CSMD2: variants seen among roughly 807,000 people sequenced by gnomAD.
CSMD2 encodes CUB and Sushi multiple domains 2, also known as CUB and sushi domain-containing protein 2.
Under a neutral mutation model 398.5 loss-of-function variants are expected in CSMD2, and 130 were observed. The observed-to-expected ratio is 0.33, with a 90% CI of 0.28 to 0.38. The LOEUF is 0.38. Ranked by LOEUF, CSMD2 falls within the 10% of genes least tolerant of loss-of-function variation. The pLI, the probability that CSMD2 is intolerant of heterozygous loss-of-function variation, is 1.00. For missense variants in CSMD2, 3,829 were observed against 4,764.9 expected, an observed-to-expected ratio of 0.80 and a Z score of 5.78; for synonymous variants, 1,828 against 1,908.5, an observed-to-expected ratio of 0.96 and a Z score of 1.10.
chr1:33,699,583 C>T (rs984009885), intron 23 of CSMD2, among the ~76,000 whole-genome samples: 4 of 152,222 alleles, frequency 2.6e-5, no homozygotes, highest in African/African-American at 4.8e-5. Flanking sequence ...TCCACTGAAC[C>T]TCTTGCTGTA....
At chr1:33,921,340 CAG>C (rs1643930503) in intron 4 of CSMD2, among the ~76,000 whole-genome samples, 1 of 152,124 alleles carries the variant, frequency 6.6e-6, no homozygotes, top group Admixed American at 6.5e-5. Context: ...ACATCTGAGG[CAG>C]AGTTTGTCGC....
chr1:33,884,174 C>T (rs770069614), intron 5 of CSMD2, among the ~76,000 whole-genome samples: 23 of 151,952 alleles, frequency 1.5e-4, no homozygotes, highest in Non-Finnish European at 3.1e-4. Flanking sequence ...TCTGCTTGTC[C>T]TCTTGTCCTC....
intron 24 of CSMD2, among the ~76,000 whole-genome samples, chr1:33,693,323 A>G (rs1018481737): frequency 2.6e-5 from 4 of 152,230 alleles, no homozygotes; most frequent in Admixed American, 1.3e-4. Flanking sequence ...GAGGATATAT[A>G]AATAGCCAAT....
At chr1:33,915,584 A>G (rs184454263) in intron 5 of CSMD2, among the ~76,000 whole-genome samples, 1 of 152,350 alleles carries the variant, frequency 6.6e-6, no homozygotes, top group African/African-American at 2.4e-5. Flanking sequence ...TTTCACTCCA[A>G]AAGTTTGGAC....
At position 34,052,432 on chromosome 1, in the gene CSMD2, A is replaced by C. The variant is rs537919915; in HGVS notation, c.405-19726T>G. Among the ~76,000 whole-genome samples the C allele has an allele frequency of 4.5e-4, 66 of 148,198 alleles. 1 individual carries two copies. The highest frequency in any genetic ancestry group is 3.4e-3 in the Middle Eastern group (1 of 292). On this transcript the variant is annotated intron_variant, in intron 2 of 70. Transcript: ENST00000373381. ...CTACACCATTTTAAATAAGGGACTTAAGCATCTGCAGATTTTTATATCCAT... is the reference window on the plus strand; with the variant it reads ...CTACACCATTTTAAATAAGGGACTTCAGCATCTGCAGATTTTTATATCCAT...
At chr1:33,842,425 C>T (rs1660946209) in intron 6 of CSMD2, among the ~76,000 whole-genome samples, 1 of 152,182 alleles carries the variant, frequency 6.6e-6, no homozygotes, top group African/African-American at 2.4e-5. Context: ...TCATCTATGA[C>T]TCATGGAATC....
intron 12 of CSMD2, among the ~76,000 whole-genome samples, chr1:33,779,203 C>T (rs1358859536): frequency 6.6e-6 from 1 of 152,128 alleles, no homozygotes; most frequent in Admixed American, 6.5e-5. Flanking sequence ...CCCCTCCCAC[C>T]CCAGCCTGCT....
chr1:34,117,579 G>A (rs1166874718), intron 1 of CSMD2, among the ~76,000 whole-genome samples: 3 of 151,836 alleles, frequency 2.0e-5, no homozygotes, highest in Admixed American at 2.0e-4. Context: ...CAAAATTGAA[G>A]AGGACAGAAC....
At chr1:34,092,504 A>C (rs567346108) in intron 1 of CSMD2, among the ~76,000 whole-genome samples, 45 of 152,294 alleles carry the variant, frequency 3.0e-4, no homozygotes, top group Non-Finnish European at 5.6e-4. Flanking sequence ...TACCAGGTTC[A>C]TCTCACTAGG....
Position 33,644,875 on chromosome 1 carries a change from A to G in CSMD2, c.4774+1773T>C, listed in dbSNP as rs146710733. Among the ~76,000 whole-genome samples, 986 of 152,232 alleles carry G rather than the reference A, an allele frequency of 6.5e-3. 6 individuals carry two copies. Among genetic ancestry groups the G allele is most frequent in the Non-Finnish European group, 7.9e-3 (536 of 68,022 alleles). On this transcript the variant is annotated intron_variant, in intron 29 of 70. Coordinates refer to ENST00000373381, the MANE Select transcript of CSMD2 (RefSeq NM_001281956.2). ...TGGCAGGTGCCTGGAGGAAGAAAGG[A>G]TGGCAGAATATCCATTGCCTAGGCC...
chr1:34,037,678 C>T (rs1651319539), intron 2 of CSMD2, among the ~76,000 whole-genome samples: 1 of 152,158 alleles, frequency 6.6e-6, no homozygotes, highest in African/African-American at 2.4e-5. Flanking sequence ...AGGGACCATC[C>T]TTTCCTTCAA....
Position 33,716,497 on chromosome 1 carries a change from C to T in CSMD2, c.3006G>A (p.Val1002=), listed in dbSNP as rs376323937. ...GGTGGAAGGTGTGGAAAGTGAAGAA[C>T]ACACCTGCCAAGAGACCAGAGGGTC... ...WIIETSHGKG[V]FFTFHTFHLE... The change falls in exon 20 of 71, where the codon GTG becomes GTA. Residue 1002 remains valine (V), a synonymous_variant. Coordinates refer to ENST00000373381, the MANE Select transcript of CSMD2 (RefSeq NM_001281956.2). The T allele has an allele frequency of 1.3e-5, 21 of 1,611,502 alleles. No homozygotes were observed. The highest frequency in any genetic ancestry group is 8.4e-5 in the Admixed American group (5 of 59,746).
chr1:34,140,537 C>T lies in CSMD2; in HGVS notation c.187+24374G>A, dbSNP rs189450585. Among the ~76,000 whole-genome samples the T allele has an allele frequency of 3.9e-5, 6 of 152,272 alleles. No homozygotes were observed. The East Asian group carries it at 1.2e-3, about 29-fold the overall frequency. On this transcript the variant is annotated intron_variant, in intron 1 of 70. Transcript: ENST00000373381. ...GCAGGTCCCATCACCTTGGCAACCA[C>T]GAGGGAGTACCAGGCCAGGCCTAGG...
At chr1:33,579,612 T>A (rs903450992) in intron 48 of CSMD2, among the ~76,000 whole-genome samples, 1 of 152,082 alleles carries the variant, frequency 6.6e-6, no homozygotes, top group South Asian at 2.1e-4. Context: ...TGAGAAGAGA[T>A]GGACTGTGGC....
rs61528553 is a variant in CSMD2, at chr1:34,040,190, C to CA, written c.405-7485dup. ...TGGGCAAAAAAGTGAGATCCTGACT[C>CA]AAAAAAAAAATTAAATTAAAAAAAA... On this transcript the variant is annotated intron_variant, in intron 2 of 70. Transcript: ENST00000373381. 4.0e-3 allele frequency among the ~76,000 whole-genome samples: 486 copies of CA among 122,380 alleles called. 2 individuals are homozygous for CA. The highest frequency in any genetic ancestry group is 7.6e-3 in the Middle Eastern group (2 of 264). 80.3% of individuals were successfully genotyped at this position (122,380 alleles called of 152,430 possible). A position where few individuals can be genotyped will look rare whatever the true frequency, so the allele number is the denominator to read the frequency against.
rs1170872136 is a variant in CSMD2 at position 33,519,584 on chromosome 1, G to T, written c.10830C>A (p.Ile3610=). 1 of 1,614,158 alleles carries T rather than the reference G, an allele frequency of 6.2e-7. No individual in the cohort carries two copies. The highest frequency in any genetic ancestry group is 1.3e-5 in the African/African-American group (1 of 75,028). Residue 3610 remains isoleucine, a synonymous_variant, in exon 70 of 71, where the codon ATC becomes ATA. Coordinates refer to ENST00000373381, the MANE Select transcript of CSMD2 (RefSeq NM_001281956.2). The surrounding 1 kb of genome is among the most constrained non-coding windows in gnomAD (Gnocchi z 5.6). ...TFENPMYDRN[I]QPTDIMASEA... ...CGCTGGCCATGATGTCTGTGGGCTG[G>T]ATGTTGCGGTCGTACATTGGGTTCT... is the stretch of plus-strand genomic sequence containing the variant.
rs199780510 is a variant in CSMD2 at position 33,569,441 on chromosome 1, C to G, written c.8064G>C (p.Leu2688=). Residue 2688 remains leucine, a synonymous_variant, in exon 52 of 71, where the codon CTG becomes CTC. Transcript: ENST00000373381. The part of the protein sequence containing the change: ...AIFSCNSGYT[L]VGSRVRECMA... ...TGCACTCACGCACCCTGGAGCCCAC[C>G]AGTGTGTATCCGGAATTGCAGGAGA... The G allele has an allele frequency of 2.5e-5, 40 of 1,614,210 alleles. No homozygotes were observed. In the East Asian group the frequency reaches 7.4e-4, roughly 30 times the overall value.
chr1:34,000,294 C>T (rs1253237612), intron 3 of CSMD2, among the ~76,000 whole-genome samples: 1 of 151,992 alleles, frequency 6.6e-6, no homozygotes, highest in Non-Finnish European at 1.5e-5. Context: ...GCATTTCAAG[C>T]AGGAAGGAAT....
At chr1:33,869,136 C>A (rs1425636484) in intron 5 of CSMD2, 1 of 152,194 alleles carries the variant, frequency 6.6e-6, no homozygotes, top group African/African-American at 2.4e-5. Context: ...CTGAGAGCCA[C>A]AGAGAGATTT....
Sources: gnomAD v4.1 joint callset for allele counts (sites outside exome capture counted in the v4.1 genomes callset) on GRCh38, gnomAD v4.1.1 for gene constraint, Gnocchi (gnomAD v3.1) non-coding constraint, MANE v1.5 for transcripts, NCBI Gene and HGNC (gene_info 2026-07-23, HGNC 2026-07-21) for gene names.